SBF2: variants seen among roughly 807,000 people sequenced by gnomAD.
The protein encoded by SBF2 is SET binding factor 2.
SBF2 carries 112 observed loss-of-function variants against 225.2 expected under a neutral mutation model. That is an observed-to-expected ratio of 0.50 (90% CI 0.43 to 0.58). The LOEUF (loss-of-function observed/expected upper bound fraction) is 0.58, where lower values mean the gene tolerates loss of function less well. Ranked by LOEUF, SBF2 falls within the 20% of genes least tolerant of loss-of-function variation. The pLI, the probability that SBF2 is intolerant of heterozygous loss-of-function variation, is 0.00. For missense variants in SBF2, 1,996 were observed against 2,206.2 expected (o/e 0.90, Z 1.91); for synonymous variants, 763 against 773.3 (o/e 0.99, Z 0.22).
chr11:10,275,615 A>G (rs1046399261), intron 1 of SBF2, among the ~76,000 whole-genome samples: 1 of 151,376 alleles, frequency 6.6e-6, no homozygotes, highest in Non-Finnish European at 1.5e-5. Flanking sequence ...ACATTCTTTC[A>G]TTAATTTAAA....
At chr11:9,962,326 A>G (rs1260020579) in intron 15 of SBF2, among the ~76,000 whole-genome samples, 1 of 152,246 alleles carries the variant, frequency 6.6e-6, no homozygotes, top group Non-Finnish European at 1.5e-5. Context: ...TAAGATAATT[A>G]TGTGATAAAT....
At chr11:10,187,419 G>T (rs1470598704) in intron 2 of SBF2, among the ~76,000 whole-genome samples, 1 of 151,946 alleles carries the variant, frequency 6.6e-6, no homozygotes, top group Non-Finnish European at 1.5e-5. Context: ...CTTTTCCCAG[G>T]AAGGTGCCAA....
chr11:10,102,665 G>T lies in SBF2; in HGVS notation c.142-59684C>A, dbSNP rs75269964. On this transcript the variant is annotated intron_variant, in intron 2 of 39. Transcript: ENST00000256190. ...TGATCCTGTAAAAAAAGTTCTGGGGGTATAAGCAAGTTGGCTAAGGTTTGA... is the reference window on the plus strand; with the variant it reads ...TGATCCTGTAAAAAAAGTTCTGGGGTTATAAGCAAGTTGGCTAAGGTTTGA... Among the ~76,000 whole-genome samples the T allele has an allele frequency of 3.3e-3, 505 of 152,200 alleles. 1 individual carries two copies. Among genetic ancestry groups the T allele is most frequent in the Non-Finnish European group, 5.5e-3 (374 of 67,990 alleles).
chr11:10,301,115 T>G (rs1964595393), intron 1 of SBF2, among the ~76,000 whole-genome samples: 1 of 152,224 alleles, frequency 6.6e-6, no homozygotes, highest in Non-Finnish European at 1.5e-5. Flanking sequence ...ATGCTGATGC[T>G]CTGGAAAATA....
At position 9,785,155 on chromosome 11, in the gene SBF2, C is replaced by T; in HGVS notation, c.5201G>A (p.Ser1734Asn). Reference sequence around the variant, plus strand: ...TTCATCATTCTTGGATGTATACTGGCTATAGAGCGTGGCTGCTCTTCGCTC... The same window carrying T: ...TTCATCATTCTTGGATGTATACTGGTTATAGAGCGTGGCTGCTCTTCGCTC... ...GVERRAATLY[S>N]QYTSKNDENR... Residue 1734 changes from serine (S) to asparagine (N), a missense_variant, in exon 37 of 40, where the codon AGC becomes AAC. Transcript: ENST00000256190. 3 of 1,613,388 alleles carry T rather than the reference C, an allele frequency of 1.9e-6. No individual in the cohort carries two copies. Among genetic ancestry groups the T allele is most frequent in the Non-Finnish European group, 2.5e-6 (3 of 1,180,030 alleles).
At chr11:9,885,463 T>C (rs929687611) in intron 17 of SBF2, among the ~76,000 whole-genome samples, 1 of 152,098 alleles carries the variant, frequency 6.6e-6, no homozygotes, top group Admixed American at 6.6e-5. Context: ...AACAAAACTC[T>C]TTCAAGTCTA....
chr11:10,192,329 T>C (rs960952621), intron 2 of SBF2, among the ~76,000 whole-genome samples: 2 of 152,190 alleles, frequency 1.3e-5, no homozygotes, highest in Non-Finnish European at 2.9e-5. Context: ...TTTCTTTACA[T>C]GGCTGAGTTA....
intron 1 of SBF2, among the ~76,000 whole-genome samples, chr11:10,196,866 A>ATATATATTTTTTTTTTT: frequency 6.0e-5 from 6 of 99,306 alleles, no homozygotes; most frequent in Non-Finnish European, 1.2e-4. Context: ...ATATATATAT[A>ATATATATTTTTTTTTTT]TTTTTTTTTT....
At chr11:10,188,524 C>T (rs533668794) in intron 2 of SBF2, among the ~76,000 whole-genome samples, 2 of 152,176 alleles carry the variant, frequency 1.3e-5, no homozygotes, top group Admixed American at 1.3e-4. Context: ...AAGTGAAGTA[C>T]GTGACTGTAG....
intron 16 of SBF2, chr11:9,959,635 ACT>A: frequency 1.3e-6 from 1 of 754,778 alleles, no homozygotes; most frequent in Non-Finnish European, 2.5e-6. Flanking sequence ...TACTCAGGTA[ACT>A]CTTCCACACG....
chr11:9,851,923 C>T (rs1856987388), intron 21 of SBF2, among the ~76,000 whole-genome samples: 1 of 152,168 alleles, frequency 6.6e-6, no homozygotes, highest in Non-Finnish European at 1.5e-5. Context: ...GATAACACCA[C>T]CACGGCTGGC....
intron 1 of SBF2, among the ~76,000 whole-genome samples, chr11:10,277,642 T>G (rs929825562): frequency 1.3e-5 from 2 of 152,174 alleles, no homozygotes; most frequent in Admixed American, 6.5e-5. Context: ...GATCTTCTGA[T>G]GAAAATTATC....
intron 16 of SBF2, among the ~76,000 whole-genome samples, chr11:9,904,615 T>C (rs1861980665): frequency 6.6e-6 from 1 of 152,214 alleles, no homozygotes; most frequent in Non-Finnish European, 1.5e-5. Context: ...CTAATAGATA[T>C]GTATAGAACA....
At chr11:10,071,328 G>A (rs1380993598) in intron 2 of SBF2, among the ~76,000 whole-genome samples, 1 of 147,182 alleles carries the variant, frequency 6.8e-6, no homozygotes. Context: ...GTGTGGTGGC[G>A]TGATCTGAGC....
chr11:9,993,488 T>C (rs1461205830), intron 10 of SBF2, among the ~76,000 whole-genome samples: 2 of 152,262 alleles, frequency 1.3e-5, no homozygotes, highest in African/African-American at 4.8e-5. Flanking sequence ...CGTAACCTTT[T>C]ATGGCTTCTA....
At position 9,929,116 on chromosome 11, in the gene SBF2, G is replaced by C. The variant is rs1374897905; in HGVS notation, c.1860+32841C>G. On this transcript the variant is annotated intron_variant, in intron 16 of 39. Transcript: ENST00000256190. ...TTAGAAGTTGACAACAACCAAGTGG[G>C]AGCAATCATCAAAGCTCATCCTTTT... The C allele has an allele frequency of 2.0e-5, 6 of 301,628 alleles. No homozygotes were observed. In the East Asian group the frequency reaches 5.6e-4, roughly 28 times the overall value. 18.7% of individuals were successfully genotyped at this position (301,628 alleles called of 1,614,324 possible).
chr11:9,849,936 A>G, intron 22 of SBF2, 87 bp downstream of exon 22: 1 of 1,279,296 alleles, frequency 7.8e-7, no homozygotes, highest in Non-Finnish European at 1.1e-6. Context: ...TGGATTTAAA[A>G]TGATCTGCAA....
In SBF2 at chr11:9,884,722, G is replaced by C. The variant is rs557369084; in HGVS notation, c.1929+11221C>G. Among the ~76,000 whole-genome samples the C allele has an allele frequency of 7.2e-5, 11 of 152,210 alleles. No homozygotes were observed. In the South Asian group the frequency reaches 2.1e-3, roughly 29 times the overall value. ...AGTCCCTATCTGCTCAAGTCTTATG[G>C]GAGGCACTGTAGTTTGTACCATTTC... On this transcript the variant is annotated intron_variant, in intron 17 of 39. Transcript: ENST00000256190.
At position 10,133,507 on chromosome 11, in the gene SBF2, T is replaced by G. The variant is rs536400454; in HGVS notation, c.141+60395A>C. On this transcript the variant is annotated intron_variant, in intron 2 of 39. Coordinates refer to ENST00000256190, the MANE Select transcript of SBF2 (RefSeq NM_030962.4). ...GAACGCAGTGCCGGTGGGCCAGCAC[T>G]GCTGGGGGACTCAGTACACCCTCCG... is the stretch of plus-strand genomic sequence containing the variant. Among the ~76,000 whole-genome samples, 2 of 136,136 alleles carry G rather than the reference T, an allele frequency of 1.5e-5. 1 individual carries two copies. The highest frequency in any genetic ancestry group is 1.5e-4 in the Admixed American group (2 of 13,204). The allele number at this position is 136,136 out of a possible 152,430, so 89.3% of individuals were successfully genotyped here. A position where few individuals can be genotyped will look rare whatever the true frequency, so the allele number is the denominator to read the frequency against.
Sources: gnomAD v4.1 joint callset for allele counts (sites outside exome capture counted in the v4.1 genomes callset) on GRCh38, gnomAD v4.1.1 for gene constraint, MANE v1.5 for transcripts, NCBI Gene and HGNC (gene_info 2026-07-23, HGNC 2026-07-21) for gene names.